Variants in RARG observed in about 807,000 individuals in gnomAD.
RARG encodes the protein retinoic acid receptor gamma.
A neutral mutation model predicts 43.7 loss-of-function variants in RARG; 17 were observed. The observed-to-expected ratio is 0.39, with a 90% CI of 0.27 to 0.58. RARG has a LOEUF of 0.58. Ranked by LOEUF, RARG falls within the 20% of genes least tolerant of loss-of-function variation. The probability of loss-of-function intolerance (pLI) is 0.57; values close to 1 mark genes in which losing one functional copy is unlikely to be tolerated. For missense variants in RARG, 346 were observed against 598.7 expected, an observed-to-expected ratio of 0.58 and a Z score of 4.40; for synonymous variants, 238 against 236.4, an observed-to-expected ratio of 1.01 and a Z score of -0.06.
intron 3 of RARG, among the ~76,000 whole-genome samples, chr12:53,222,304 A>G (rs1395675824): frequency 6.6e-6 from 1 of 151,854 alleles, no homozygotes; most frequent in Non-Finnish European, 1.5e-5. Context: ...AGAAAGAGAG[A>G]GAGAGAGAGA....
chr12:53,228,683 GC>G (rs1357704335), intron 2 of RARG, among the ~76,000 whole-genome samples: 3 of 152,092 alleles, frequency 2.0e-5, no homozygotes, highest in Non-Finnish European at 4.4e-5. Context: ...TTACTTCTCT[GC>G]CTCCTTTTTT....
At chr12:53,230,726 A>AG (rs894585422) in intron 2 of RARG, among the ~76,000 whole-genome samples, 1 of 79,682 alleles carries the variant, frequency 1.3e-5, no homozygotes, top group Non-Finnish European at 2.5e-5. Flanking sequence ...GGTGGGGCAG[A>AG]GGGGGGAACT....
intron 2 of RARG, among the ~76,000 whole-genome samples, chr12:53,228,521 T>C (rs1943161498): frequency 6.6e-6 from 1 of 152,204 alleles, no homozygotes; most frequent in South Asian, 2.1e-4. Context: ...ACACTCCCTC[T>C]TCCAGTTTCC....
intron 3 of RARG, among the ~76,000 whole-genome samples, chr12:53,225,248 CCT>C (rs1164009205): frequency 5.3e-5 from 8 of 152,176 alleles, no homozygotes; most frequent in African/African-American, 1.7e-4. Flanking sequence ...TCAAATAACC[CCT>C]GTTGGACTAC....
chr12:53,225,112 G>C (rs1048071398), intron 3 of RARG, among the ~76,000 whole-genome samples: 3 of 152,170 alleles, frequency 2.0e-5, no homozygotes, highest in Non-Finnish European at 4.4e-5. Flanking sequence ...CATGTGGGGA[G>C]GGTGGTTCCT....
At chr12:53,225,885 C>T (rs771126660) in intron 3 of RARG, among the ~76,000 whole-genome samples, 13 of 152,234 alleles carry the variant, frequency 8.5e-5, no homozygotes, top group Non-Finnish European at 1.8e-4. Flanking sequence ...AGCATGCAGG[C>T]TCTATGCCAG....
At chr12:53,222,649 G>C (rs569659415) in intron 3 of RARG, among the ~76,000 whole-genome samples, 280 of 152,280 alleles carry the variant, frequency 1.8e-3, no homozygotes, top group African/African-American at 6.5e-3. Context: ...CACCCCATCT[G>C]TGTGTGCATC....
Position 53,213,897 on chromosome 12 carries a change from G to A in RARG, c.813+162C>T, listed in dbSNP as rs534903937. 2,484 of 1,095,186 alleles carry A rather than the reference G, an allele frequency of 2.3e-3. 68 individuals are homozygous for A. The South Asian group carries it at 0.035, about 15-fold the overall frequency. The allele number at this position is 1,095,186 out of a possible 1,614,324, so 67.8% of individuals were successfully genotyped here. ...AGGAGACAGGGCATCCAAAAGTCTA[G>A]GATCAGGTCATAGGGGCAGAGGCTA... On this transcript the variant is annotated intron_variant, in intron 7 of 9. Coordinates refer to ENST00000425354, the MANE Select transcript of RARG (RefSeq NM_000966.6). This position sits in a 1 kb window ranked among gnomAD's most constrained non-coding sequence, Gnocchi z 4.7.
intron 3 of RARG, among the ~76,000 whole-genome samples, chr12:53,223,079 A>G (rs1205990845): frequency 6.6e-6 from 1 of 152,136 alleles, no homozygotes. Flanking sequence ...CACCCCTTAG[A>G]GTCCCTGCCA....
At chr12:53,219,104 T>G in intron 3 of RARG, among the ~76,000 whole-genome samples, 1 of 152,150 alleles carries the variant, frequency 6.6e-6, no homozygotes, top group East Asian at 1.9e-4. Flanking sequence ...AGATAGATAT[T>G]TGGGGACCCA....
chr12:53,223,779 C>G (rs1243867500), intron 3 of RARG, among the ~76,000 whole-genome samples: 1 of 152,192 alleles, frequency 6.6e-6, no homozygotes, highest in Admixed American at 6.5e-5. Context: ...GTGAGTCTCT[C>G]TTTTTCAGTT....
Position 53,215,601 on chromosome 12 carries a change from AG to A in RARG, c.333+44del. On this transcript the variant is annotated intron_variant, in intron 4 of 9. Coordinates refer to ENST00000425354, the MANE Select transcript of RARG (RefSeq NM_000966.6). This position sits in a 1 kb window ranked among gnomAD's most constrained non-coding sequence, Gnocchi z 6.4. The stretch of plus-strand genomic sequence containing the variant: ...TGTGTGCCTGGTCTCTCATCTTACT[AG>A]GGTAACTGGATCCCCCGTCTGCCCA... 6.3e-7 allele frequency: 1 copy of A among 1,594,896 alleles called. No individual in the cohort carries two copies. Among genetic ancestry groups the A allele is most frequent in the South Asian group, 1.1e-5 (1 of 88,278 alleles).
At chr12:53,223,472 G>A (rs1943029071) in intron 3 of RARG, among the ~76,000 whole-genome samples, 1 of 151,112 alleles carries the variant, frequency 6.6e-6, no homozygotes, top group Non-Finnish European at 1.5e-5. Context: ...GGGGCCAGGA[G>A]AGGGGGGTGC....
intron 2 of RARG, among the ~76,000 whole-genome samples, chr12:53,229,519 C>T (rs949227613): frequency 6.6e-6 from 1 of 152,144 alleles, no homozygotes; most frequent in African/African-American, 2.4e-5. Context: ...ACCCAGCACC[C>T]TCAAACTCTT....
At chr12:53,214,941 G>A in intron 5 of RARG, 1 of 397,582 alleles carries the variant, frequency 2.5e-6, no homozygotes, top group South Asian at 4.1e-5. Context: ...TGGGGGCGAG[G>A]GGGGGGTGGA....
At position 53,215,910 on chromosome 12, in the gene RARG, C is replaced by A. The variant is rs1942747871; in HGVS notation, c.185-116G>T. On this transcript the variant is annotated intron_variant, in intron 3 of 9. Transcript: ENST00000425354. This position sits in a 1 kb window ranked among gnomAD's most constrained non-coding sequence, Gnocchi z 6.4. ...TCCTTGGCCCACTGGTGACAGCCATCACTACCACAGTGCACTAGTTCCAGC... is the reference window on the plus strand; with the variant it reads ...TCCTTGGCCCACTGGTGACAGCCATAACTACCACAGTGCACTAGTTCCAGC... 1 of 1,151,296 alleles carries A rather than the reference C, an allele frequency of 8.7e-7. No homozygotes were observed. The highest frequency in any genetic ancestry group is 1.2e-6 in the Non-Finnish European group (1 of 837,228). The allele number at this position is 1,151,296 out of a possible 1,614,324, so 71.3% of individuals were successfully genotyped here.
chr12:53,222,233 G>GAAAA (rs1555181728), intron 3 of RARG, among the ~76,000 whole-genome samples: 2 of 149,684 alleles, frequency 1.3e-5, no homozygotes, highest in Non-Finnish European at 3.0e-5. Flanking sequence ...AAGAAAGAGA[G>GAAAA]AGAAAGAAAA....
rs1315635768 is a variant in RARG at position 53,220,092 on chromosome 12, G to A, written c.185-4298C>T. The A allele has an allele frequency of 1.9e-6, 3 of 1,550,154 alleles. No individual in the cohort carries two copies. In the Admixed American group the frequency reaches 5.9e-5, roughly 30 times the overall value. ...GACCCGGGGCAAACGTTTCCATACA[G>A]TCGTACATCGCGACCCGGCTTGAAG... is the stretch of plus-strand genomic sequence containing the variant. On this transcript the variant is annotated intron_variant, in intron 3 of 9. Transcript: ENST00000425354.
At chr12:53,217,385 T>A (rs950214356) in intron 3 of RARG, among the ~76,000 whole-genome samples, 1 of 152,232 alleles carries the variant, frequency 6.6e-6, no homozygotes, top group African/African-American at 2.4e-5. Context: ...GCCCAAGGCC[T>A]GTGCGTGGGG....
Sources: gnomAD v4.1 joint callset for allele counts (sites outside exome capture counted in the v4.1 genomes callset) on GRCh38, gnomAD v4.1.1 for gene constraint, Gnocchi (gnomAD v3.1) non-coding constraint, MANE v1.5 for transcripts, NCBI Gene and HGNC (gene_info 2026-07-23, HGNC 2026-07-21) for gene names.